The following SGCZ variants were observed in gnomAD, a reference collection of about 807,000 sequenced individuals.
SGCZ encodes the protein zeta-sarcoglycan.
Under a neutral mutation model 41.3 loss-of-function variants are expected in SGCZ, and 40 were observed. The observed-to-expected ratio is 0.97, with a 90% CI of 0.75 to 1.26. SGCZ has a LOEUF of 1.26. Among genes scored for constraint, SGCZ ranks in the 50% most tolerant of loss-of-function variants. SGCZ has a pLI of 0.00. For missense variants in SGCZ, 552 were observed against 369.8 expected (o/e 1.49, Z -4.04); for synonymous variants, 206 against 137.5 (o/e 1.50, Z -3.49).
chr8:14,777,448 T>G (rs937051266), intron 1 of SGCZ, among the ~76,000 whole-genome samples: 1 of 152,252 alleles, frequency 6.6e-6, no homozygotes, highest in African/African-American at 2.4e-5. Flanking sequence ...TACCACAGTT[T>G]AAGAATATTA....
In SGCZ at chr8:14,679,948, T is replaced by C. The variant is rs116161362; in HGVS notation, c.40-125022A>G. 2.1e-3 allele frequency among the ~76,000 whole-genome samples: 322 copies of C among 152,262 alleles called. 1 individual carries two copies. Among genetic ancestry groups the C allele is most frequent in the Middle Eastern group, 6.8e-3 (2 of 294 alleles). On this transcript the variant is annotated intron_variant, in intron 1 of 7. Coordinates refer to ENST00000382080, the MANE Select transcript of SGCZ (RefSeq NM_139167.4). ...ACCATTGTGTTACAAATGCCTACAG[T>C]ACTCAGAACAGTAAAATGGTTTACA... is the stretch of plus-strand genomic sequence containing the variant.
intron 1 of SGCZ, among the ~76,000 whole-genome samples, chr8:15,120,522 G>T (rs1474658777): frequency 6.6e-6 from 1 of 152,096 alleles, no homozygotes; most frequent in African/African-American, 2.4e-5. Context: ...ACTAAAAAAA[G>T]AAAAGCTTAT....
intron 1 of SGCZ, among the ~76,000 whole-genome samples, chr8:15,175,637 A>T (rs978096921): frequency 6.6e-6 from 1 of 151,904 alleles, no homozygotes; most frequent in Admixed American, 6.6e-5. Context: ...AACCCCCGTG[A>T]CACACATTTA....
At chr8:14,701,515 A>C (rs775787925) in intron 1 of SGCZ, among the ~76,000 whole-genome samples, 1 of 152,108 alleles carries the variant, frequency 6.6e-6, no homozygotes, top group Admixed American at 6.6e-5. Flanking sequence ...GAATGAAAAC[A>C]ACCAGCAATC....
rs574843939 is a variant in SGCZ, at chr8:15,196,740, T to G, written c.39+40845A>C. On this transcript the variant is annotated intron_variant, in intron 1 of 7. Transcript: ENST00000382080. ...ATGCTGGTGCGCTGCACCCACTAACTCGTTATCTAGCATTAGGTATATCTA... is the reference window on the plus strand; with the variant it reads ...ATGCTGGTGCGCTGCACCCACTAACGCGTTATCTAGCATTAGGTATATCTA... Among the ~76,000 whole-genome samples, 232 of 152,342 alleles carry G rather than the reference T, an allele frequency of 1.5e-3. 4 individuals are homozygous for G. Among genetic ancestry groups the G allele is most frequent in the Admixed American group, 3.9e-3 (60 of 15,304 alleles).
intron 3 of SGCZ, among the ~76,000 whole-genome samples, chr8:14,315,367 C>A (rs1172722551): frequency 1.3e-5 from 2 of 151,928 alleles, no homozygotes; most frequent in Non-Finnish European, 2.9e-5. Context: ...ATTTGGTAAC[C>A]AAAACAGACA....
intron 1 of SGCZ, among the ~76,000 whole-genome samples, chr8:14,607,538 G>A (rs1050195274): frequency 1.1e-4 from 16 of 152,054 alleles, no homozygotes; most frequent in African/African-American, 3.6e-4. Context: ...CATTTATGCA[G>A]GAAAATTTGG....
At chr8:14,775,158 C>G (rs1800362368) in intron 1 of SGCZ, among the ~76,000 whole-genome samples, 1 of 152,146 alleles carries the variant, frequency 6.6e-6, no homozygotes, top group African/African-American at 2.4e-5. Context: ...GCCTCTCAAA[C>G]ATTACATTAC....
At chr8:14,865,972 G>A (rs985558309) in intron 1 of SGCZ, among the ~76,000 whole-genome samples, 1 of 152,062 alleles carries the variant, frequency 6.6e-6, no homozygotes, top group African/African-American at 2.4e-5. Context: ...TTAAGGAATT[G>A]CTAAGTTTCT....
intron 1 of SGCZ, among the ~76,000 whole-genome samples, chr8:14,936,451 G>A (rs947443647): frequency 5.3e-5 from 8 of 151,798 alleles, no homozygotes; most frequent in Non-Finnish European, 1.0e-4. Flanking sequence ...ATTGAAAACT[G>A]TACTTAAAGT....
chr8:14,188,537 G>C (rs956474688), intron 4 of SGCZ, among the ~76,000 whole-genome samples: 2 of 152,154 alleles, frequency 1.3e-5, no homozygotes, highest in African/African-American at 4.8e-5. Context: ...ATTGCCTAGA[G>C]GGGTGGGACA....
At chr8:15,210,917 T>C (rs1011403099) in intron 1 of SGCZ, among the ~76,000 whole-genome samples, 4 of 152,000 alleles carry the variant, frequency 2.6e-5, no homozygotes, top group Admixed American at 6.6e-5. Flanking sequence ...CTTTGCCTCC[T>C]TTATTCCCTC....
chr8:14,190,445 C>G (rs1332039843), intron 4 of SGCZ, among the ~76,000 whole-genome samples: 4 of 151,654 alleles, frequency 2.6e-5, no homozygotes, highest in East Asian at 1.9e-4. Context: ...ATACGTCTAT[C>G]AACAGACACT....
At chr8:14,499,664 C>G (rs780610851) in intron 2 of SGCZ, among the ~76,000 whole-genome samples, 1 of 151,924 alleles carries the variant, frequency 6.6e-6, no homozygotes, top group Non-Finnish European at 1.5e-5. Context: ...ATTTTAAATA[C>G]TTTATTTTTC....
intron 1 of SGCZ, among the ~76,000 whole-genome samples, chr8:14,923,942 A>T (rs948702294): frequency 3.3e-5 from 5 of 152,198 alleles, no homozygotes; most frequent in Non-Finnish European, 7.3e-5. Context: ...AAGCCTTCTC[A>T]GAGCTTCCCT....
intron 2 of SGCZ, among the ~76,000 whole-genome samples, chr8:14,381,841 G>A (rs529045758): frequency 1.3e-5 from 2 of 151,890 alleles, no homozygotes; most frequent in African/African-American, 4.8e-5. Context: ...TAAAGCCCTA[G>A]GCTTTATGCA....
At chr8:15,062,058 T>C (rs1804958693) in intron 1 of SGCZ, among the ~76,000 whole-genome samples, 1 of 152,188 alleles carries the variant, frequency 6.6e-6, no homozygotes, top group East Asian at 1.9e-4. Flanking sequence ...GAATATCTAC[T>C]CTTCAACTTT....
chr8:14,952,034 T>C (rs1001807301), intron 1 of SGCZ, among the ~76,000 whole-genome samples: 4 of 152,126 alleles, frequency 2.6e-5, no homozygotes, highest in Non-Finnish European at 4.4e-5. Flanking sequence ...CACCTGGTGT[T>C]CACTCTGCAT....
At chr8:14,387,817 T>C (rs978696869) in intron 2 of SGCZ, among the ~76,000 whole-genome samples, 1 of 152,150 alleles carries the variant, frequency 6.6e-6, no homozygotes, top group Non-Finnish European at 1.5e-5. Flanking sequence ...AGTCTTCATC[T>C]GGTCTTTGCA....
Sources: allele counts gnomAD v4.1 joint callset (sites outside exome capture counted in the v4.1 genomes callset), GRCh38; gene constraint gnomAD v4.1.1; transcripts MANE v1.5; gene names NCBI Gene and HGNC (gene_info 2026-07-23, HGNC 2026-07-21).